The following CHRM5 variants were observed in gnomAD, a reference collection of about 807,000 sequenced individuals.
The protein encoded by CHRM5 is muscarinic acetylcholine receptor M5.
In CHRM5, 18 loss-of-function variants were observed where a neutral mutation model predicts 39.0. The observed-to-expected ratio is 0.46, with a 90% CI of 0.32 to 0.68. The LOEUF is 0.68. Ranked by LOEUF, CHRM5 falls within the 30% of genes least tolerant of loss-of-function variation. The pLI, the probability that CHRM5 is intolerant of heterozygous loss-of-function variation, is 0.04. For missense variants in CHRM5, 515 were observed against 651.1 expected (o/e 0.79, Z 2.28); for synonymous variants, 241 against 246.3 (o/e 0.98, Z 0.20).
chr15:34,047,073 G>T (rs1227256475), intron 2 of CHRM5, among the ~76,000 whole-genome samples: 56 of 145,146 alleles, frequency 3.9e-4, no homozygotes, highest in African/African-American at 1.4e-3. Context: ...TTTTTTGTTG[G>T]TTTTTTTTTT....
In CHRM5 at chr15:33,992,389, C is replaced by CAAA. The variant is rs145900095; in HGVS notation, c.-408+23246_-408+23248dup. ...TGCGCGACAGATCAGGACTCCGTCTCAAAAAAAAAGAAAAAAGAAAATCAA... is the reference window on the plus strand; with the variant it reads ...TGCGCGACAGATCAGGACTCCGTCTCAAAAAAAAAAAAGAAAAAAGAAAATCAA... On this transcript the variant is annotated intron_variant, in intron 1 of 2. Coordinates refer to ENST00000383263, the MANE Select transcript of CHRM5 (RefSeq NM_012125.4). Among the ~76,000 whole-genome samples, 140 of 147,582 alleles carry CAAA rather than the reference C, an allele frequency of 9.5e-4. 1 individual carries two copies. The South Asian group carries it at 0.021, about 22-fold the overall frequency.
In CHRM5 at chr15:34,019,038, C is replaced by T. The variant is rs573866592; in HGVS notation, c.-407-27502C>T. ...ACTAGACACAGAGCGCTGATTGGTG[C>T]GTTTTTTTTACAGAGTGCTGATTGG... On this transcript the variant is annotated intron_variant, in intron 1 of 2. Coordinates refer to ENST00000383263, the MANE Select transcript of CHRM5 (RefSeq NM_012125.4). Among the ~76,000 whole-genome samples the T allele has an allele frequency of 1.0e-4, 15 of 149,638 alleles. No homozygotes were observed. The East Asian group carries it at 1.2e-3, about 12-fold the overall frequency.
chr15:34,016,699 C>CA (rs1192934080), intron 1 of CHRM5, among the ~76,000 whole-genome samples: 2 of 152,186 alleles, frequency 1.3e-5, no homozygotes, highest in Non-Finnish European at 2.9e-5. Context: ...ATTAAATACT[C>CA]AGAGAATTCC....
intron 1 of CHRM5, chr15:34,006,975 G>C (rs1023375157): frequency 1.4e-6 from 1 of 707,820 alleles, no homozygotes; most frequent in Non-Finnish European, 1.7e-6. Flanking sequence ...AAACTATAAA[G>C]ATAAAGGCAT....
chr15:34,017,630 C>T (rs1897995918), intron 1 of CHRM5, among the ~76,000 whole-genome samples: 1 of 151,972 alleles, frequency 6.6e-6, no homozygotes, highest in Non-Finnish European at 1.5e-5. Context: ...CAGGTGCATG[C>T]CACCACACCC....
chr15:33,969,952 T>C (rs965956558), intron 1 of CHRM5, among the ~76,000 whole-genome samples: 2 of 152,036 alleles, frequency 1.3e-5, no homozygotes, highest in African/African-American at 2.4e-5. Context: ...GACAATCTTA[T>C]GTAAAAACAA....
At chr15:34,016,143 G>A (rs1360970220) in intron 1 of CHRM5, among the ~76,000 whole-genome samples, 1 of 152,174 alleles carries the variant, frequency 6.6e-6, no homozygotes, top group Non-Finnish European at 1.5e-5. Flanking sequence ...GGGCATGGTG[G>A]TGCACGCCTG....
intron 1 of CHRM5, among the ~76,000 whole-genome samples, chr15:34,015,023 C>G (rs1897820794): frequency 1.3e-5 from 2 of 152,126 alleles, no homozygotes; most frequent in African/African-American, 4.8e-5. Context: ...TTCTGGTACT[C>G]TAGAGTCCTG....
intron 1 of CHRM5, among the ~76,000 whole-genome samples, chr15:34,032,285 G>A (rs934410802): frequency 1.3e-5 from 2 of 152,226 alleles, no homozygotes; most frequent in African/African-American, 2.4e-5. Flanking sequence ...AATGACCTAC[G>A]TAACCTCTCT....
At chr15:34,030,439 A>G (rs944402038) in intron 1 of CHRM5, among the ~76,000 whole-genome samples, 2 of 151,502 alleles carry the variant, frequency 1.3e-5, no homozygotes, top group African/African-American at 4.9e-5. Context: ...TCCGCCTCCC[A>G]GGTTCATGCC....
intron 1 of CHRM5, among the ~76,000 whole-genome samples, chr15:33,981,734 C>T (rs1304068619): frequency 6.6e-6 from 1 of 152,164 alleles, no homozygotes; most frequent in Non-Finnish European, 1.5e-5. Context: ...TAATTTATCT[C>T]ATCTATAAAA....
At chr15:34,036,242 G>C (rs1899119156) in intron 1 of CHRM5, among the ~76,000 whole-genome samples, 1 of 152,088 alleles carries the variant, frequency 6.6e-6, no homozygotes. Context: ...AAGAGCAAGA[G>C]ACTAAGAGAT....
In CHRM5 at chr15:34,043,129, C is replaced by T. The variant is rs1174240763; in HGVS notation, c.-407-3411C>T. On this transcript the variant is annotated intron_variant, in intron 1 of 2. Transcript: ENST00000383263. ...AGGCATGGTGACGGGCGCCTGTAGT[C>T]CCAGCTACTTGGGAGGCTGAGGCAG... 2.6e-5 allele frequency among the ~76,000 whole-genome samples: 4 copies of T among 152,048 alleles called. No individual in the cohort carries two copies. The South Asian group carries it at 6.2e-4, about 24-fold the overall frequency.
intron 1 of CHRM5, among the ~76,000 whole-genome samples, chr15:34,034,139 C>T (rs1399042407): frequency 2.6e-5 from 4 of 152,084 alleles, no homozygotes; most frequent in African/African-American, 7.2e-5. Flanking sequence ...TCAAATCACT[C>T]TAGTATTTAA....
intron 1 of CHRM5, among the ~76,000 whole-genome samples, chr15:34,010,161 A>T (rs1567464904): frequency 6.6e-6 from 1 of 152,098 alleles, no homozygotes; most frequent in Non-Finnish European, 1.5e-5. Context: ...TGCTTAACAG[A>T]AACAATAAAA....
intron 1 of CHRM5, chr15:34,002,956 G>C (rs1219551049): frequency 7.8e-7 from 1 of 1,289,152 alleles, no homozygotes; most frequent in Non-Finnish European, 1.1e-6. Flanking sequence ...TATAAAAGTA[G>C]AATTTAAAAA....
intron 1 of CHRM5, among the ~76,000 whole-genome samples, chr15:33,979,378 G>A (rs1449092729): frequency 2.6e-5 from 4 of 151,986 alleles, no homozygotes; most frequent in African/African-American, 9.7e-5. Context: ...GCATGCTAGG[G>A]TGTGGCTGTA....
chr15:33,988,069 G>A (rs1476454212), intron 1 of CHRM5, among the ~76,000 whole-genome samples: 1 of 152,224 alleles, frequency 6.6e-6, no homozygotes. Flanking sequence ...AGGCCTGGCT[G>A]CAGCTCCCAA....
chr15:33,994,503 T>C lies in CHRM5; in HGVS notation c.-408+25353T>C, dbSNP rs980384508. The stretch of plus-strand genomic sequence containing the variant: ...ACACGCTTGAATCATCCTGAAACCG[T>C]CATCCTCACCCTGGTCTGTGGAAAA... On this transcript the variant is annotated intron_variant, in intron 1 of 2. Transcript: ENST00000383263. Among the ~76,000 whole-genome samples the C allele has an allele frequency of 8.5e-5, 13 of 152,316 alleles. No individual in the cohort carries two copies. In the South Asian group the frequency reaches 1.0e-3, roughly 12 times the overall value.
Sources: gnomAD v4.1 joint callset for allele counts (sites outside exome capture counted in the v4.1 genomes callset) on GRCh38, gnomAD v4.1.1 for gene constraint, MANE v1.5 for transcripts, NCBI Gene and HGNC (gene_info 2026-07-23, HGNC 2026-07-21) for gene names.